The following DAAM2 variants were observed in gnomAD, a reference collection of about 807,000 sequenced individuals.
DAAM2 encodes the protein disheveled-associated activator of morphogenesis 2.
Under a neutral mutation model 120.7 loss-of-function variants are expected in DAAM2, and 39 were observed. That is an observed-to-expected ratio of 0.32 (90% CI 0.25 to 0.42). DAAM2 has a LOEUF of 0.42. DAAM2 is among the 10% of genes least tolerant of loss of function. The pLI is 1.00. For missense variants in DAAM2, 1,283 were observed against 1,401.7 expected (o/e 0.92, Z 1.35); for synonymous variants, 488 against 524.9 (o/e 0.93, Z 0.96).
At chr6:39,879,734 C>G (rs1319192751) in intron 14 of DAAM2, 1 of 584,068 alleles carries the variant, frequency 1.7e-6, no homozygotes, top group Admixed American at 2.7e-5. Flanking sequence ...TTTGTGTTTG[C>G]CCAGGGTTAA....
Position 39,873,321 on chromosome 6 carries a change from GCT to G in DAAM2, c.1133_1134del (p.Ser378CysfsTer35). ...AGTACACGGAGGCCTACCCCTGCCT[GCT>G]CTCTGTGCTGCACCACTGCCTGCAG... Reference protein sequence around the residue: ...LKYTEAYPCLLSVLHHCLQMP... With the variant: ...LKYTEAYPCLXSVLHHCLQMP... On this transcript the variant is annotated frameshift_variant, in exon 10 of 25. Coordinates refer to ENST00000274867, the MANE Select transcript of DAAM2 (RefSeq NM_001201427.2). LOFTEE classifies it high-confidence loss of function. 1 of 1,613,306 alleles carries G rather than the reference GCT, an allele frequency of 6.2e-7. No individual in the cohort carries two copies. The highest frequency in any genetic ancestry group is 8.5e-7 in the Non-Finnish European group (1 of 1,179,512).
chr6:39,806,198 G>A lies in DAAM2; in HGVS notation c.-57+13733G>A, dbSNP rs13212027. The stretch of plus-strand genomic sequence containing the variant: ...AAGTGGATGGAAATTAAACAAGTCC[G>A]TCTTGCTCAGAATGTAAAAGATATT... On this transcript the variant is annotated intron_variant, in intron 1 of 24. Coordinates refer to ENST00000274867, the MANE Select transcript of DAAM2 (RefSeq NM_001201427.2). Among the ~76,000 whole-genome samples, 301 of 152,266 alleles carry A rather than the reference G, an allele frequency of 2.0e-3. 1 individual carries two copies. The highest frequency in any genetic ancestry group is 3.9e-3 in the Admixed American group (59 of 15,288).
intron 1 of DAAM2, among the ~76,000 whole-genome samples, chr6:39,831,519 T>G (rs1444880509): frequency 6.6e-6 from 1 of 151,834 alleles, no homozygotes; most frequent in Non-Finnish European, 1.5e-5. Context: ...TTAAGTAACT[T>G]GCCAAAGATG....
At position 39,841,922 on chromosome 6, in the gene DAAM2, A is replaced by G. The variant is rs1226017547; in HGVS notation, c.-56-14325A>G. ...ATATCTCATACCTTTTACATGCAAG[A>G]TGCCTTTTGTTGACAGAGAGGAGGG... On this transcript the variant is annotated intron_variant, in intron 1 of 24. Transcript: ENST00000274867. Among the ~76,000 whole-genome samples, 3 of 152,320 alleles carry G rather than the reference A, an allele frequency of 2.0e-5. No homozygotes were observed. In the East Asian group the frequency reaches 5.8e-4, roughly 29 times the overall value.
chr6:39,860,963 T>G lies in DAAM2; in HGVS notation c.204T>G (p.Ala68=), dbSNP rs374774632. The change falls in exon 3 of 25, where the codon GCT becomes GCG. Residue 68 remains alanine (A), a synonymous_variant. Transcript: ENST00000274867. The stretch of plus-strand genomic sequence containing the variant: ...ATCTCACTGACAAAAACCGAGAGGC[T>G]ATGTTTGCACTGCCCCCTGAGAAGA... The part of the protein sequence containing the change: ...ELDLTDKNRE[A]MFALPPEKKW... 8 of 1,613,276 alleles carry G rather than the reference T, an allele frequency of 5.0e-6. No individual in the cohort carries two copies. Among genetic ancestry groups the G allele is most frequent in the Non-Finnish European group, 6.8e-6 (8 of 1,179,700 alleles).
chr6:39,838,728 G>A (rs113369313), intron 1 of DAAM2, among the ~76,000 whole-genome samples: 4 of 151,850 alleles, frequency 2.6e-5, no homozygotes, highest in Non-Finnish European at 5.9e-5. Flanking sequence ...GTGTAATCTC[G>A]GCTCACTACA....
chr6:39,834,711 AT>A (rs547368456), intron 1 of DAAM2, among the ~76,000 whole-genome samples: 1 of 152,322 alleles, frequency 6.6e-6, no homozygotes, highest in East Asian at 1.9e-4. Flanking sequence ...TTAACTCTAT[AT>A]AAGAGGAAGG....
chr6:39,813,648 A>G (rs1331056463), intron 1 of DAAM2, among the ~76,000 whole-genome samples: 1 of 152,236 alleles, frequency 6.6e-6, no homozygotes, highest in Admixed American at 6.5e-5. Flanking sequence ...AAATAAAATT[A>G]GTTCATGAGC....
At chr6:39,891,272 T>C in intron 17 of DAAM2, 69 bp from the exon 18 acceptor site, 1 of 1,257,494 alleles carries the variant, frequency 8.0e-7, no homozygotes, top group South Asian at 1.3e-5. Context: ...TCAGTACAGC[T>C]TCTCACACCC....
At chr6:39,798,347 C>T (rs1045341542) in intron 1 of DAAM2, among the ~76,000 whole-genome samples, 1 of 152,164 alleles carries the variant, frequency 6.6e-6, no homozygotes, top group Non-Finnish European at 1.5e-5. Context: ...TTGTCAGCCC[C>T]TGGCGGAGAG....
chr6:39,837,663 C>CAAAAAAAAAAAAAAAAAAAAAAAA (rs758751293), intron 1 of DAAM2, among the ~76,000 whole-genome samples: 38 of 41,180 alleles, frequency 9.2e-4, no homozygotes, highest in South Asian at 2.1e-3. Context: ...AACTCCATCT[C>CAAAAAAAAAAAAAAAAAAAAAAAA]AAAAAAAAAA....
chr6:39,822,951 G>A (rs1394057718), intron 1 of DAAM2: 2 of 152,154 alleles, frequency 1.3e-5, no homozygotes, highest in African/African-American at 2.4e-5. Context: ...TTTCTCCAAG[G>A]TCTGAGACTC....
rs1364647153 is a variant in DAAM2 at position 39,823,573 on chromosome 6, GC to G, written c.-57+31110del. 7.2e-5 allele frequency among the ~76,000 whole-genome samples: 11 copies of G among 152,268 alleles called. No individual in the cohort carries two copies. The East Asian group carries it at 2.1e-3, about 29-fold the overall frequency. ...TGTGCCGGGAAGGGGGAAGTGTGGGGCCTCCCTGGAACACTGTGTGACTTCC... is the reference window on the plus strand; with the variant it reads ...TGTGCCGGGAAGGGGGAAGTGTGGGGCTCCCTGGAACACTGTGTGACTTCC... On this transcript the variant is annotated intron_variant, in intron 1 of 24. Transcript: ENST00000274867.
In DAAM2 at chr6:39,902,312, C is replaced by G. The variant is rs1235806768; in HGVS notation, c.*275C>G. The G allele has an allele frequency of 3.0e-6, 1 of 331,748 alleles. No homozygotes were observed. Among genetic ancestry groups the G allele is most frequent in the Non-Finnish European group, 5.5e-6 (1 of 183,144 alleles). The allele number at this position is 331,748 out of a possible 1,614,324, so 20.6% of individuals were successfully genotyped here. A position where few individuals can be genotyped will look rare whatever the true frequency, so the allele number is the denominator to read the frequency against. On this transcript the variant is annotated 3_prime_UTR_variant, in exon 25 of 25. Coordinates refer to ENST00000274867, the MANE Select transcript of DAAM2 (RefSeq NM_001201427.2). ...TGGCCTCAGGCCAGGTAACCCCAGG[C>G]TGAAGGGGCCCTGCTCCCCATCCCC...
intron 1 of DAAM2, among the ~76,000 whole-genome samples, chr6:39,830,178 G>C (rs1762825818): frequency 6.6e-6 from 1 of 152,222 alleles, no homozygotes; most frequent in Non-Finnish European, 1.5e-5. Flanking sequence ...TGGAGTGGAT[G>C]CCCATGGGGC....
chr6:39,852,182 C>T (rs142766950), intron 1 of DAAM2, among the ~76,000 whole-genome samples: 5 of 152,328 alleles, frequency 3.3e-5, no homozygotes, highest in African/African-American at 1.2e-4. Context: ...GTTGAAATCT[C>T]TCTGGCCTGA....
chr6:39,888,418 C>T (rs763402389), intron 16 of DAAM2: 2 of 303,912 alleles, frequency 6.6e-6, no homozygotes, highest in African/African-American at 2.1e-5. Flanking sequence ...CTTTTACTCC[C>T]AAATGCCCCT....
chr6:39,845,477 C>A (rs554554778), intron 1 of DAAM2, among the ~76,000 whole-genome samples: 1 of 140,334 alleles, frequency 7.1e-6, no homozygotes, highest in African/African-American at 2.7e-5. Flanking sequence ...ACACCACATA[C>A]ACATATACCA....
rs189495606 is a variant in DAAM2 at position 39,879,662 on chromosome 6, C to T, written c.1845+185C>T. The T allele has an allele frequency of 2.3e-5, 16 of 709,376 alleles. No individual in the cohort carries two copies. In the Admixed American group the frequency reaches 3.0e-4, roughly 13 times the overall value. 43.9% of individuals were successfully genotyped at this position (709,376 alleles called of 1,614,324 possible). A position where few individuals can be genotyped will look rare whatever the true frequency, so the allele number is the denominator to read the frequency against. On this transcript the variant is annotated intron_variant, in intron 14 of 24. Transcript: ENST00000274867. ...AGGCAGCTCACGGTCAGAACACCTA[C>T]CCTGGGAGAGATGCTTGACATTGGG...
Sources: allele counts gnomAD v4.1 joint callset (sites outside exome capture counted in the v4.1 genomes callset), GRCh38; gene constraint gnomAD v4.1.1; transcripts MANE v1.5; gene names NCBI Gene and HGNC (gene_info 2026-07-23, HGNC 2026-07-21).